The following FAM186A variants were observed in gnomAD, a reference collection of about 807,000 sequenced individuals.
FAM186A encodes the protein family with sequence similarity 186 member A, also known as protein FAM186A.
In FAM186A, 163 loss-of-function variants were observed where a neutral mutation model predicts 216.8. The ratio of observed to expected loss-of-function variants is 0.75; its 90% CI spans 0.66 to 0.86. The LOEUF is 0.86. Among genes scored for constraint, FAM186A ranks in the 40% least tolerant of loss-of-function variants. FAM186A has a pLI of 0.00. For missense variants in FAM186A, 2,184 were observed against 2,746.2 expected, an observed-to-expected ratio of 0.80 and a Z score of 4.58; for synonymous variants, 805 against 1,025.3, an observed-to-expected ratio of 0.79 and a Z score of 4.10.
rs12308695 is a variant in FAM186A at position 50,393,147 on chromosome 12, C to A, written c.192+3146G>T. On this transcript the variant is annotated intron_variant, in intron 1 of 7. Transcript: ENST00000327337. ...TTCGCCGTGTTAGCGAGAATGGTCT[C>A]GATCTCCCGACCTCGTGATCCGCCC... Among the ~76,000 whole-genome samples the A allele has an allele frequency of 3.3e-3, 494 of 151,802 alleles. 4 individuals carry two copies. Among genetic ancestry groups the A allele is most frequent in the African/African-American group, 9.9e-3 (411 of 41,480 alleles).
chr12:50,386,802 G>T (rs566060732), intron 1 of FAM186A, among the ~76,000 whole-genome samples: 1 of 145,172 alleles, frequency 6.9e-6, no homozygotes, highest in Non-Finnish European at 1.5e-5. Flanking sequence ...GGGTGGGGGG[G>T]TTAGGGAGAG....
intron 1 of FAM186A, among the ~76,000 whole-genome samples, chr12:50,370,141 A>AAAAAAAAAAAAAAAC (rs1943130070): frequency 6.8e-6 from 1 of 148,114 alleles, no homozygotes; most frequent in Non-Finnish European, 1.5e-5. Flanking sequence ...AAAAAAAAAA[A>AAAAAAAAAAAAAAAC]AAAAAAGCAA....
rs904432490 is a variant in FAM186A at position 50,396,543 on chromosome 12, C to T, written c.-59G>A. The T allele has an allele frequency of 1.4e-6, 2 of 1,470,902 alleles. No homozygotes were observed. Among genetic ancestry groups the T allele is most frequent in the Admixed American group, 2.2e-5 (1 of 44,562 alleles). The allele number at this position is 1,470,902 out of a possible 1,614,324, so 91.1% of individuals were successfully genotyped here. A position where few individuals can be genotyped will look rare whatever the true frequency, so the allele number is the denominator to read the frequency against. On this transcript the variant is annotated 5_prime_UTR_variant, in exon 1 of 8. Transcript: ENST00000327337. ...CTTTTTCACAGAATCTACAAAAATG[C>T]TAATAAAGATATCCAGTAGGAAGCT...
At chr12:50,396,058 C>T (rs12314391) in intron 1 of FAM186A, among the ~76,000 whole-genome samples, 1,595 of 152,256 alleles carry the variant, frequency 0.01, 36 homozygotes, top group African/African-American at 0.037. Context: ...CCACCATGCC[C>T]GGCTTGATTT....
chr12:50,383,068 A>G lies in FAM186A; in HGVS notation c.192+13225T>C, dbSNP rs374085640. On this transcript the variant is annotated intron_variant, in intron 1 of 7. Coordinates refer to ENST00000327337, the MANE Select transcript of FAM186A (RefSeq NM_001145475.3). ...CCCATCTCTATAAAAATACAAAAAG[A>G]ACAACAACAACAACAACAAAACAAA... Among the ~76,000 whole-genome samples the G allele has an allele frequency of 1.3e-4, 19 of 150,716 alleles. No individual in the cohort carries two copies. The East Asian group carries it at 1.8e-3, about 14-fold the overall frequency.
chr12:50,390,289 AGTAATAGTATACAG>A (rs2136108300), intron 1 of FAM186A, among the ~76,000 whole-genome samples: 1 of 152,234 alleles, frequency 6.6e-6, no homozygotes, highest in Non-Finnish European at 1.5e-5. Context: ...CAGCAGAAAA[AGTAATAGTATACAG>A]GTAGACCCAG....
intron 7 of FAM186A, among the ~76,000 whole-genome samples, chr12:50,328,848 G>T (rs919441614): frequency 1.3e-5 from 2 of 152,180 alleles, no homozygotes; most frequent in African/African-American, 4.8e-5. Context: ...GGGCACGGTG[G>T]CTCACGCCTG....
intron 1 of FAM186A, among the ~76,000 whole-genome samples, chr12:50,391,691 G>A (rs1180901932): frequency 6.7e-6 from 1 of 150,212 alleles, no homozygotes; most frequent in Admixed American, 6.6e-5. Context: ...GCTCACTGCA[G>A]CCTCTGCCTC....
In FAM186A at chr12:50,393,544, A is replaced by T. The variant is rs572777784; in HGVS notation, c.192+2749T>A. 4.0e-5 allele frequency among the ~76,000 whole-genome samples: 6 copies of T among 151,324 alleles called. No homozygotes were observed. The East Asian group carries it at 1.0e-3, about 25-fold the overall frequency. On this transcript the variant is annotated intron_variant, in intron 1 of 7. Transcript: ENST00000327337. ...GTGTCAGAGCGAGACTCCATCTCAA[A>T]AAAAAAAAAAGTGTATTTTGGGCCA...
chr12:50,391,930 C>A lies in FAM186A; in HGVS notation c.192+4363G>T, dbSNP rs1287975701. ...GTAATAACCCAAAACCAGAAACAGC[C>A]CATGCCATGCCATGCCATGGAAAAA... On this transcript the variant is annotated intron_variant, in intron 1 of 7. Coordinates refer to ENST00000327337, the MANE Select transcript of FAM186A (RefSeq NM_001145475.3). 2.0e-5 allele frequency among the ~76,000 whole-genome samples: 3 copies of A among 152,068 alleles called. No individual in the cohort carries two copies. The South Asian group carries it at 6.2e-4, about 32-fold the overall frequency.
intron 1 of FAM186A, among the ~76,000 whole-genome samples, chr12:50,394,491 T>C (rs1592640957): frequency 6.6e-6 from 1 of 151,652 alleles, no homozygotes; most frequent in Non-Finnish European, 1.5e-5. Context: ...GAGATGGAGG[T>C]TGCAGTGAGC....
chr12:50,351,342 G>GGCCCGAGATATTGGGAGCT lies in FAM186A; in HGVS notation c.5471_5489dup (p.Pro1831AlafsTer41). On this transcript the variant is annotated frameshift_variant, in exon 4 of 8. Coordinates refer to ENST00000327337, the MANE Select transcript of FAM186A (RefSeq NM_001145475.3). LOFTEE classifies it high-confidence loss of function. ...TAAAGGGCTGCCCTGGAGTGGGAGG[G>GGCCCGAGATATTGGGAGCT]GCCCGAGATATTGGGAGCTGCCCAG... 1 of 1,491,014 alleles carries GGCCCGAGATATTGGGAGCT rather than the reference G, an allele frequency of 6.7e-7. No individual in the cohort carries two copies. Among genetic ancestry groups the GGCCCGAGATATTGGGAGCT allele is most frequent in the Non-Finnish European group, 8.9e-7 (1 of 1,122,500 alleles). The allele number at this position is 1,491,014 out of a possible 1,614,324, so 92.4% of individuals were successfully genotyped here.
At chr12:50,390,401 A>G (rs1592637897) in intron 1 of FAM186A, among the ~76,000 whole-genome samples, 1 of 151,974 alleles carries the variant, frequency 6.6e-6, no homozygotes. Context: ...TGACTGATGG[A>G]CTCTGACTCG....
chr12:50,391,606 G>A (rs539407193), intron 1 of FAM186A, among the ~76,000 whole-genome samples: 2 of 150,638 alleles, frequency 1.3e-5, no homozygotes, highest in African/African-American at 2.4e-5. Flanking sequence ...GAGCCACCAC[G>A]CCTGGCCTAT....
chr12:50,396,092 C>A, intron 1 of FAM186A, among the ~76,000 whole-genome samples: 1 of 152,166 alleles, frequency 6.6e-6, no homozygotes, highest in South Asian at 2.1e-4. Flanking sequence ...CTTTATTAAA[C>A]CTGATATAAA....
intron 3 of FAM186A, among the ~76,000 whole-genome samples, chr12:50,357,418 C>G (rs1359157825): frequency 6.7e-6 from 1 of 150,220 alleles, no homozygotes; most frequent in African/African-American, 2.5e-5. Flanking sequence ...AGGAGAACCA[C>G]TTGAACCTGG....
chr12:50,335,891 C>T (rs56163090), intron 4 of FAM186A, among the ~76,000 whole-genome samples: 33 of 151,984 alleles, frequency 2.2e-4, no homozygotes, highest in Non-Finnish European at 3.7e-4. Context: ...TTTGGGAGGC[C>T]GAGGTGGGCA....
At chr12:50,345,222 T>A (rs1942801114) in intron 4 of FAM186A, among the ~76,000 whole-genome samples, 1 of 152,098 alleles carries the variant, frequency 6.6e-6, no homozygotes. Flanking sequence ...CTTTCCACAG[T>A]GGCTGAGCTA....
chr12:50,368,109 C>A lies in FAM186A; in HGVS notation c.193-4745G>T, dbSNP rs553571849. 5.9e-5 allele frequency among the ~76,000 whole-genome samples: 9 copies of A among 151,938 alleles called. No homozygotes were observed. The South Asian group carries it at 1.0e-3, about 18-fold the overall frequency. ...GCAGTGAGCTGAGATCACGCCACTA[C>A]ACTCCAGCCTGGGTAACAGAGAGCG... On this transcript the variant is annotated intron_variant, in intron 1 of 7. Coordinates refer to ENST00000327337, the MANE Select transcript of FAM186A (RefSeq NM_001145475.3).
Sources: allele counts gnomAD v4.1 joint callset (sites outside exome capture counted in the v4.1 genomes callset), GRCh38; gene constraint gnomAD v4.1.1; transcripts MANE v1.5; gene names NCBI Gene and HGNC (gene_info 2026-07-23, HGNC 2026-07-21).